The following MTX2 variants were observed in gnomAD, a reference collection of about 807,000 sequenced individuals.
MTX2 encodes metaxin 2.
Under a neutral mutation model 42.3 loss-of-function variants are expected in MTX2, and 35 were observed. The observed-to-expected ratio is 0.83, with a 90% confidence interval of 0.63 to 1.10. The LOEUF (loss-of-function observed/expected upper bound fraction) is 1.10, where lower values mean the gene tolerates loss of function less well. Among genes scored for constraint, MTX2 ranks in the 50% least tolerant of loss-of-function variants. The probability of loss-of-function intolerance (pLI) is 0.00; values close to 1 mark genes in which losing one functional copy is unlikely to be tolerated. For synonymous variants in MTX2, 119 were observed against 100.9 expected (o/e 1.18, Z -1.08); for missense variants, 307 against 304.1 (o/e 1.01, Z -0.07).
intron 1 of MTX2, among the ~76,000 whole-genome samples, chr2:176,273,709 TCA>T (rs754750797): frequency 5.3e-5 from 8 of 152,190 alleles, no homozygotes; most frequent in Admixed American, 2.6e-4. Flanking sequence ...CCAACTTTTC[TCA>T]GTTATCGTTC....
intron 1 of MTX2, among the ~76,000 whole-genome samples, chr2:176,275,805 G>T (rs1202706931): frequency 6.6e-6 from 1 of 152,126 alleles, no homozygotes; most frequent in Non-Finnish European, 1.5e-5. Context: ...TAACTCACTT[G>T]CCCATCCCTG....
chr2:176,300,321 C>T (rs1683991029), intron 3 of MTX2, among the ~76,000 whole-genome samples: 1 of 152,072 alleles, frequency 6.6e-6, no homozygotes, highest in Non-Finnish European at 1.5e-5. Context: ...TTGAAATTTT[C>T]TAGAAGCCTC....
chr2:176,285,797 C>G (rs1352116438), intron 1 of MTX2, among the ~76,000 whole-genome samples: 1 of 152,116 alleles, frequency 6.6e-6, no homozygotes, highest in Non-Finnish European at 1.5e-5. Flanking sequence ...TAATGAACAT[C>G]TGGGTTGCTT....
At chr2:176,278,076 A>T (rs1404082793) in intron 1 of MTX2, among the ~76,000 whole-genome samples, 5 of 92,534 alleles carry the variant, frequency 5.4e-5, no homozygotes, top group East Asian at 3.8e-4. Flanking sequence ...TTTGAGATGG[A>T]GTCTTGCTCT....
At chr2:176,275,043 C>T (rs1343928353) in intron 1 of MTX2, among the ~76,000 whole-genome samples, 1 of 152,116 alleles carries the variant, frequency 6.6e-6, no homozygotes, top group African/African-American at 2.4e-5. Context: ...AGCCATCACA[C>T]GTGTGTGTGA....
chr2:176,271,832 G>A (rs1458786048), intron 1 of MTX2, among the ~76,000 whole-genome samples: 3 of 152,176 alleles, frequency 2.0e-5, no homozygotes, highest in Non-Finnish European at 4.4e-5. Context: ...ATTTGTAATA[G>A]CGAAAAACTA....
At chr2:176,315,432 A>G (rs1013824878) in intron 3 of MTX2, among the ~76,000 whole-genome samples, 1 of 152,108 alleles carries the variant, frequency 6.6e-6, no homozygotes, top group Non-Finnish European at 1.5e-5. Context: ...CTGACGTATC[A>G]CTTTCATCAC....
intron 3 of MTX2, among the ~76,000 whole-genome samples, chr2:176,322,651 T>C (rs949564220): frequency 2.4e-4 from 36 of 152,056 alleles, no homozygotes; most frequent in African/African-American, 7.9e-4. Flanking sequence ...AAAAATGAAT[T>C]AGTGTGATCT....
chr2:176,322,892 C>T (rs971037504), intron 3 of MTX2, among the ~76,000 whole-genome samples: 1 of 151,668 alleles, frequency 6.6e-6, no homozygotes, highest in South Asian at 2.1e-4. Flanking sequence ...AAAGTGAATT[C>T]GTGAGCACAG....
In MTX2 at chr2:176,330,664, A is replaced by C; in HGVS notation, c.620+4A>C. The C allele has an allele frequency of 6.3e-7, 1 of 1,585,016 alleles. No homozygotes were observed. Among genetic ancestry groups the C allele is most frequent in the Non-Finnish European group, 8.6e-7 (1 of 1,161,868 alleles). Reference sequence around the variant, plus strand: ...AACCGTATTTCTTCAATAAGCAGTAAGAAATTTTACTTTTTTAAAGTTAAT... The same window carrying C: ...AACCGTATTTCTTCAATAAGCAGTACGAAATTTTACTTTTTTAAAGTTAAT... On this transcript the variant is annotated splice_donor_region_variant and intron_variant, in intron 9 of 9. Transcript: ENST00000249442.
In MTX2 at chr2:176,296,869, C is replaced by G; in HGVS notation, c.50C>G (p.Pro17Arg). 6.2e-7 allele frequency: 1 copy of G among 1,613,504 alleles called. No individual in the cohort carries two copies. The highest frequency in any genetic ancestry group is 8.5e-7 in the Non-Finnish European group (1 of 1,179,658). The change falls in exon 2 of 10, where the codon CCT becomes CGT. Residue 17 changes from proline (P) to arginine (R), a missense_variant. Coordinates refer to ENST00000249442, the MANE Select transcript of MTX2 (RefSeq NM_006554.5). ...TGCCTTGTTTCCATAGCTGCAGAACCTTGGCCTGAAAATGCTACATTATAT... is the reference window on the plus strand; with the variant it reads ...TGCCTTGTTTCCATAGCTGCAGAACGTTGGCCTGAAAATGCTACATTATAT... ...AFVSQIAAAEPWPENATLYQQ... is the reference protein window; with the variant it reads ...AFVSQIAAAERWPENATLYQQ...
chr2:176,337,489 T>C lies in MTX2; in HGVS notation c.621-4T>C, dbSNP rs1685021104. 1 of 1,589,948 alleles carries C rather than the reference T, an allele frequency of 6.3e-7. No homozygotes were observed. Among genetic ancestry groups the C allele is most frequent in the Non-Finnish European group, 8.6e-7 (1 of 1,167,938 alleles). On this transcript the variant is annotated splice_region_variant and splice_polypyrimidine_tract_variant and intron_variant, in intron 9 of 9. Coordinates refer to ENST00000249442, the MANE Select transcript of MTX2 (RefSeq NM_006554.5). ...ACTCACATTACTCTCATTTCTACTT[T>C]TAGGCCTACTGAACTTGACGCACTG...
intron 1 of MTX2, among the ~76,000 whole-genome samples, chr2:176,281,085 T>C (rs777876792): frequency 1.3e-5 from 2 of 152,176 alleles, no homozygotes; most frequent in African/African-American, 2.4e-5. Context: ...TAGTAAAAAG[T>C]GTGTCTGGTT....
chr2:176,298,850 T>C (rs1371622317), intron 3 of MTX2, among the ~76,000 whole-genome samples: 1 of 152,158 alleles, frequency 6.6e-6, no homozygotes, highest in Non-Finnish European at 1.5e-5. Flanking sequence ...TTAAAATTGC[T>C]ATTTTGGGGA....
Position 176,337,504 on chromosome 2 carries a change from T to C in MTX2, c.632T>C (p.Leu211Pro). The C allele has an allele frequency of 6.2e-7, 1 of 1,602,556 alleles. No homozygotes were observed. ...ATTTCTACTTTTAGGCCTACTGAAC[T>C]TGACGCACTGGTATTTGGCCATCTA... is the stretch of plus-strand genomic sequence containing the variant. ...PYFFNKQPTE[L>P]DALVFGHLYT... The change falls in exon 10 of 10, where the codon CTT becomes CCT. Residue 211 changes from leucine (L) to proline (P), a missense_variant. Transcript: ENST00000249442.
intron 1 of MTX2, chr2:176,270,315 C>T: frequency 7.6e-7 from 1 of 1,319,924 alleles, no homozygotes. Flanking sequence ...GGATTACAGG[C>T]GCCCGCCACC....
intron 3 of MTX2, among the ~76,000 whole-genome samples, chr2:176,307,031 A>G (rs571633505): frequency 1.3e-5 from 2 of 152,198 alleles, no homozygotes; most frequent in African/African-American, 4.8e-5. Flanking sequence ...TAGATTTTTT[A>G]TGGTTTTAGG....
At chr2:176,330,517 G>A (rs1215999019) in intron 8 of MTX2, 67 bp from the exon 9 acceptor site, 20 of 1,156,040 alleles carry the variant, frequency 1.7e-5, no homozygotes, top group East Asian at 4.9e-5. Context: ...TACAAGTTAC[G>A]TTTTAGATAC....
chr2:176,294,722 A>G (rs1288035530), intron 1 of MTX2, among the ~76,000 whole-genome samples: 1 of 152,214 alleles, frequency 6.6e-6, no homozygotes, highest in Admixed American at 6.5e-5. Context: ...TAGTGTATGT[A>G]AAGGTTGGTG....
Sources: gnomAD v4.1 joint callset for allele counts (sites outside exome capture counted in the v4.1 genomes callset) on GRCh38, gnomAD v4.1.1 for gene constraint, MANE v1.5 for transcripts, NCBI Gene and HGNC (gene_info 2026-07-23, HGNC 2026-07-21) for gene names.